QSOX2: variants seen among roughly 807,000 people sequenced by gnomAD.
QSOX2 encodes sulfhydryl oxidase 2.
In QSOX2, 46 loss-of-function variants were observed where a neutral mutation model predicts 61.7. The observed-to-expected ratio is 0.75, with a 90% CI of 0.59 to 0.95. QSOX2 has a LOEUF of 0.95. Ranked by LOEUF, QSOX2 falls within the 40% of genes least tolerant of loss-of-function variation. The probability of loss-of-function intolerance (pLI) is 0.00; values close to 1 mark genes in which losing one functional copy is unlikely to be tolerated. For missense variants in QSOX2, 879 were observed against 918.9 expected (o/e 0.96, Z 0.56); for synonymous variants, 383 against 388.4 (o/e 0.99, Z 0.16).
chr9:136,239,853 G>C (rs535987426), intron 1 of QSOX2, among the ~76,000 whole-genome samples: 3 of 152,254 alleles, frequency 2.0e-5, no homozygotes, highest in Admixed American at 6.5e-5. Flanking sequence ...CAGGCGCCAG[G>C]AGTACCGGCA....
At chr9:136,214,561 G>A (rs141795575) in intron 10 of QSOX2, among the ~76,000 whole-genome samples, 65 of 152,332 alleles carry the variant, frequency 4.3e-4, no homozygotes, top group African/African-American at 1.5e-3. Context: ...GGCAAGCCAC[G>A]TGCAAGGAGG....
In QSOX2 at chr9:136,221,737, A is replaced by ACTT. The variant is rs1157952303; in HGVS notation, c.821+58_821+59insAAG. ...CACCAGACTTGCACTGTCTACTCGG[A>ACTT]GCCTCTGTCCGGTAACTCCGAGCGG... is the stretch of plus-strand genomic sequence containing the variant. On this transcript the variant is annotated intron_variant, in intron 6 of 11. Transcript: ENST00000358701. The surrounding 1 kb of genome is among the most constrained non-coding windows in gnomAD (Gnocchi z 4.5). 1.3e-6 allele frequency: 2 copies of ACTT among 1,509,352 alleles called. No individual in the cohort carries two copies. The highest frequency in any genetic ancestry group is 1.8e-6 in the Non-Finnish European group (2 of 1,123,158). The allele number at this position is 1,509,352 out of a possible 1,614,324, so 93.5% of individuals were successfully genotyped here.
chr9:136,221,642 C>G lies in QSOX2; in HGVS notation c.821+154G>C, dbSNP rs558881950. 9.8e-4 allele frequency among the ~76,000 whole-genome samples: 149 copies of G among 152,328 alleles called. No homozygotes were observed. Among genetic ancestry groups the G allele is most frequent in the African/African-American group, 3.2e-3 (131 of 41,560 alleles). ...ACACAGCACAGATCAGCAATACCCA[C>G]GGGCTGAGAGCCAGGGCCCAAATCT... On this transcript the variant is annotated intron_variant, in intron 6 of 11. Transcript: ENST00000358701. The surrounding 1 kb of genome is among the most constrained non-coding windows in gnomAD (Gnocchi z 4.5).
chr9:136,232,592 C>T (rs183620003), intron 1 of QSOX2, among the ~76,000 whole-genome samples: 2 of 152,214 alleles, frequency 1.3e-5, no homozygotes, highest in Admixed American at 6.5e-5. Flanking sequence ...AACTTACAGA[C>T]CACACACAGC....
At position 136,206,668 on chromosome 9, in the gene QSOX2, AC is replaced by A. The variant is rs150748312; in HGVS notation, c.*2059del. 0.039 allele frequency: 5,892 copies of A among 152,320 alleles called. 172 individuals are homozygous for A. The highest frequency in any genetic ancestry group is 0.057 in the Non-Finnish European group (3,845 of 68,006). 9.4% of individuals were successfully genotyped at this position (152,320 alleles called of 1,614,324 possible). ...GCCACCTCCACGACGGCCCAGCCCCACCGACGCTCTGCTGAAAATCCTGCCC... is the reference window on the plus strand; with the variant it reads ...GCCACCTCCACGACGGCCCAGCCCCACGACGCTCTGCTGAAAATCCTGCCC... On this transcript the variant is annotated 3_prime_UTR_variant, in exon 12 of 12. Transcript: ENST00000358701.
intron 1 of QSOX2, among the ~76,000 whole-genome samples, chr9:136,229,526 C>G (rs757780045): frequency 3.9e-5 from 6 of 152,182 alleles, no homozygotes; most frequent in Non-Finnish European, 7.3e-5. Context: ...AAAAAAAGCA[C>G]CTTTGTGCCC....
At chr9:136,215,533 A>C (rs1298886558) in intron 9 of QSOX2, among the ~76,000 whole-genome samples, 1 of 152,224 alleles carries the variant, frequency 6.6e-6, no homozygotes, top group Admixed American at 6.5e-5. Flanking sequence ...CTCTCAAGCC[A>C]ATCTCTGAAG....
intron 1 of QSOX2, among the ~76,000 whole-genome samples, chr9:136,239,486 G>A (rs1050430280): frequency 9.2e-5 from 14 of 152,214 alleles, no homozygotes; most frequent in African/African-American, 3.1e-4. Context: ...TCCCTCTAAA[G>A]CACAGGCTTC....
At chr9:136,229,276 G>A (rs1588638387) in intron 1 of QSOX2, among the ~76,000 whole-genome samples, 1 of 152,200 alleles carries the variant, frequency 6.6e-6, no homozygotes, top group African/African-American at 2.4e-5. Flanking sequence ...AGGAAGAAGG[G>A]TTCATGCTCT....
At chr9:136,210,579 G>A (rs964635078) in intron 11 of QSOX2, 47 of 985,330 alleles carry the variant, frequency 4.8e-5, no homozygotes, top group South Asian at 1.9e-4. Flanking sequence ...GACACACAGC[G>A]CCTTCGTCAC....
chr9:136,211,402 G>C lies in QSOX2; in HGVS notation c.1411C>G (p.His471Asp). Residue 471 changes from histidine to aspartate, a missense_variant, in exon 11 of 12, where the codon CAC becomes GAC. By Grantham distance (81) the His-to-Asp change is moderately conservative. Coordinates refer to ENST00000358701, the MANE Select transcript of QSOX2 (RefSeq NM_181701.4). ...AVLQTMRRYV[H>D]TFFGCKECGE... ...CATTCCTTACACCCAAAGAAGGTGT[G>C]AACGTACCTCCTCATTGTCTGCAGC... 6.2e-7 allele frequency: 1 copy of C among 1,614,206 alleles called. No homozygotes were observed. Among genetic ancestry groups the C allele is most frequent in the Non-Finnish European group, 8.5e-7 (1 of 1,180,042 alleles).
At chr9:136,218,502 G>C (rs377221391) in intron 8 of QSOX2, among the ~76,000 whole-genome samples, 177 bp downstream of exon 8, 2 of 152,258 alleles carry the variant, frequency 1.3e-5, no homozygotes, top group African/African-American at 4.8e-5. Flanking sequence ...AGCAGTGGAC[G>C]CAGGAGGCAC....
At chr9:136,224,148 C>T (rs767823926) in intron 3 of QSOX2, 36 bp from the exon 4 acceptor site, 2 of 1,542,002 alleles carry the variant, frequency 1.3e-6, no homozygotes. Context: ...GCTGTGTGTG[C>T]GGCTGTCCTC....
intron 1 of QSOX2, among the ~76,000 whole-genome samples, chr9:136,245,008 G>A (rs1029335319): frequency 5.3e-5 from 8 of 152,204 alleles, no homozygotes; most frequent in South Asian, 2.1e-4. Context: ...TACGAGTGTG[G>A]AATAGGAATG....
intron 10 of QSOX2, among the ~76,000 whole-genome samples, chr9:136,214,553 C>T (rs1299921288): frequency 6.6e-6 from 1 of 152,224 alleles, no homozygotes; most frequent in African/African-American, 2.4e-5. Context: ...GGGCCTTAGG[C>T]AAGCCACGTG....
chr9:136,224,089 C>T lies in QSOX2; in HGVS notation c.502G>A (p.Val168Ile), dbSNP rs764294020. 6.2e-7 allele frequency: 1 copy of T among 1,614,052 alleles called. No individual in the cohort carries two copies. Among genetic ancestry groups the T allele is most frequent in the East Asian group, 2.2e-5 (1 of 44,878 alleles). Residue 168 changes from valine (V) to isoleucine (I), a missense_variant, in exon 4 of 12, where the codon GTC becomes ATC. Transcript: ENST00000358701. ...AGGAAGTCAATCATCGTCTGTCTGA[C>T]TGTTCGCAGCTCTCGGTCAGGTCCT... ...FKGPDRELRT[V>I]RQTMIDFLQN...
chr9:136,216,790 A>G, intron 8 of QSOX2, 68 bp from the exon 9 acceptor site: 2 of 1,572,418 alleles, frequency 1.3e-6, no homozygotes, highest in Non-Finnish European at 1.7e-6. Flanking sequence ...CGCGGGGGGC[A>G]CCGCACCTCC....
Position 136,211,334 on chromosome 9 carries a change from C to T in QSOX2, c.1479G>A (p.Ser493=), listed in dbSNP as rs760352912. 6 of 1,614,094 alleles carry T rather than the reference C, an allele frequency of 3.7e-6. No homozygotes were observed. Among genetic ancestry groups the T allele is most frequent in the Non-Finnish European group, 5.1e-6 (6 of 1,180,046 alleles). Residue 493 remains serine, a synonymous_variant, in exon 11 of 12, where the codon TCG becomes TCA. Coordinates refer to ENST00000358701, the MANE Select transcript of QSOX2 (RefSeq NM_181701.4). ...GGATGGCTTGGTCTGGGGTTTTCACCGAGTCCATGGATTCTTTAGCCATTT... is the reference window on the plus strand; with the variant it reads ...GGATGGCTTGGTCTGGGGTTTTCACTGAGTCCATGGATTCTTTAGCCATTT... ...FEEMAKESMD[S]VKTPDQAILW...
At chr9:136,231,413 C>T (rs183536139) in intron 1 of QSOX2, among the ~76,000 whole-genome samples, 9 of 152,370 alleles carry the variant, frequency 5.9e-5, no homozygotes, top group Non-Finnish European at 1.0e-4. Context: ...CTTACAAAGG[C>T]TCCCGCAGGA....
Sources: allele counts gnomAD v4.1 joint callset (sites outside exome capture counted in the v4.1 genomes callset), GRCh38; gene constraint gnomAD v4.1.1; non-coding constraint Gnocchi (gnomAD v3.1); transcripts MANE v1.5; gene names NCBI Gene and HGNC (gene_info 2026-07-23, HGNC 2026-07-21).